Variants in SMG6 observed in about 807,000 individuals in gnomAD.
The protein encoded by SMG6 is SMG6 nonsense mediated mRNA decay factor.
In SMG6, 66 loss-of-function variants were observed where a neutral mutation model predicts 142.2. The observed-to-expected ratio is 0.46, with a 90% CI of 0.38 to 0.57. The LOEUF is 0.57. SMG6 is among the 20% of genes least tolerant of loss of function. The probability of loss-of-function intolerance (pLI) is 0.00; values close to 1 mark genes in which losing one functional copy is unlikely to be tolerated. For synonymous variants in SMG6, 779 were observed against 702.4 expected (o/e 1.11, Z -1.72); for missense variants, 1,793 against 1,832.0 (o/e 0.98, Z 0.39).
At position 2,282,863 on chromosome 17, in the gene SMG6, T is replaced by C. The variant is rs761851743; in HGVS notation, c.2449-4A>G. ...GCTTCTTTTCCATCTGTTCTGCCTA[T>C]ATAACATACAAACACATTAGCTCAT... On this transcript the variant is annotated splice_polypyrimidine_tract_variant and splice_region_variant and intron_variant, in intron 7 of 18. Transcript: ENST00000263073. 2 of 1,614,038 alleles carry C rather than the reference T, an allele frequency of 1.2e-6. No individual in the cohort carries two copies. The highest frequency in any genetic ancestry group is 8.5e-7 in the Non-Finnish European group (1 of 1,179,956).
intron 8 of SMG6, 131 bp downstream of exon 8, chr17:2,282,516 C>A: frequency 1.2e-6 from 1 of 801,838 alleles, no homozygotes; most frequent in South Asian, 1.6e-5. Flanking sequence ...GGGAAAAGAC[C>A]ATCAGGGAGC....
intron 13 of SMG6, among the ~76,000 whole-genome samples, chr17:2,148,123 G>A (rs1443457818): frequency 6.6e-6 from 1 of 152,106 alleles, no homozygotes; most frequent in Admixed American, 6.5e-5. Flanking sequence ...CCCAGGAGGT[G>A]CAGGTTGCAG....
chr17:2,111,191 C>T (rs553306310), intron 13 of SMG6, among the ~76,000 whole-genome samples: 1 of 138,676 alleles, frequency 7.2e-6, no homozygotes, highest in South Asian at 2.3e-4. Flanking sequence ...TGCTCCTGTT[C>T]CCATGGAACT....
rs2075061071 is a variant in SMG6, at chr17:2,292,533, T to C, written c.2337+19A>G. 6.2e-7 allele frequency: 1 copy of C among 1,612,674 alleles called. No individual in the cohort carries two copies. The highest frequency in any genetic ancestry group is 8.5e-7 in the Non-Finnish European group (1 of 1,179,078). On this transcript the variant is annotated intron_variant, in intron 6 of 18. Coordinates refer to ENST00000263073, the MANE Select transcript of SMG6 (RefSeq NM_017575.5). ...TACTTCCTGCAAAGCACTTTTCCCC[T>C]GTCCACAGGATTTCTTACCGTATAC... is the stretch of plus-strand genomic sequence containing the variant.
intron 1 of SMG6, chr17:2,303,151 G>A: frequency 9.1e-6 from 9 of 985,482 alleles, no homozygotes; most frequent in Non-Finnish European, 9.6e-6. Context: ...GCTTTCGGAA[G>A]CCTGTCTTGG....
chr17:2,061,388 G>T lies in SMG6; in HGVS notation c.*104C>A. 2 of 1,143,596 alleles carry T rather than the reference G, an allele frequency of 1.7e-6. No individual in the cohort carries two copies. The highest frequency in any genetic ancestry group is 2.5e-6 in the Non-Finnish European group (2 of 810,836). 70.8% of individuals were successfully genotyped at this position (1,143,596 alleles called of 1,614,324 possible). A position where few individuals can be genotyped will look rare whatever the true frequency, so the allele number is the denominator to read the frequency against. ...TTGGAAGAGGATGGTTTATTGTCTGGGTGGATTGGTGGCTCAGGCACGTGG... is the reference window on the plus strand; with the variant it reads ...TTGGAAGAGGATGGTTTATTGTCTGTGTGGATTGGTGGCTCAGGCACGTGG... On this transcript the variant is annotated 3_prime_UTR_variant, in exon 19 of 19. Transcript: ENST00000263073.
intron 6 of SMG6, among the ~76,000 whole-genome samples, chr17:2,286,006 A>T (rs2074897052): frequency 6.6e-6 from 1 of 152,148 alleles, no homozygotes. Flanking sequence ...AGAGAAAGAC[A>T]GAGAAAAAAA....
chr17:2,172,371 G>A (rs2071531335), intron 13 of SMG6, among the ~76,000 whole-genome samples: 1 of 152,054 alleles, frequency 6.6e-6, no homozygotes, highest in Non-Finnish European at 1.5e-5. Flanking sequence ...ATTTGGAGCT[G>A]AGTGAGAGCA....
At chr17:2,137,288 G>A (rs2070334461) in intron 13 of SMG6, among the ~76,000 whole-genome samples, 1 of 152,184 alleles carries the variant, frequency 6.6e-6, no homozygotes, top group Admixed American at 6.6e-5. Context: ...CTCTCCAGAA[G>A]GGAGTACCAA....
chr17:2,282,970 A>G, intron 7 of SMG6, 111 bp from the exon 8 acceptor site: 1 of 1,014,876 alleles, frequency 9.9e-7, no homozygotes, highest in Non-Finnish European at 1.5e-6. Flanking sequence ...CAGGAGTTTG[A>G]GACCAGCCTG....
chr17:2,070,202 G>A (rs956199473), intron 15 of SMG6, among the ~76,000 whole-genome samples: 1 of 152,186 alleles, frequency 6.6e-6, no homozygotes, highest in African/African-American at 2.4e-5. Flanking sequence ...AGCCTTACAC[G>A]TGTGGCAGCG....
intron 13 of SMG6, chr17:2,088,426 C>G: frequency 1.0e-6 from 1 of 985,378 alleles, no homozygotes; most frequent in South Asian, 4.7e-5. Context: ...GTAGCCCTCT[C>G]CCAGTTTTCA....
At chr17:2,267,555 C>CCA (rs1194845955) in intron 8 of SMG6, among the ~76,000 whole-genome samples, 2 of 151,956 alleles carry the variant, frequency 1.3e-5, no homozygotes, top group Non-Finnish European at 2.9e-5. Flanking sequence ...CTTTCTCTGT[C>CCA]ATGATGATAT....
rs1227624933 is a variant in SMG6 at position 2,068,356 on chromosome 17, A to T, written c.3835+422T>A. ...AACAGAGTGATCATGAAAAGCTACA[A>T]GACAATCAGACCAAAGGCATCTAAC... On this transcript the variant is annotated intron_variant, in intron 16 of 18. Transcript: ENST00000263073. The surrounding 1 kb of genome is among the most constrained non-coding windows in gnomAD (Gnocchi z 6.7). Among the ~76,000 whole-genome samples the T allele has an allele frequency of 6.6e-6, 1 of 152,224 alleles. No individual in the cohort carries two copies. Among genetic ancestry groups the T allele is most frequent in the African/African-American group, 2.4e-5 (1 of 41,454 alleles).
chr17:2,296,406 C>T (rs1294115283), intron 4 of SMG6, among the ~76,000 whole-genome samples: 3 of 152,168 alleles, frequency 2.0e-5, no homozygotes, highest in Admixed American at 6.5e-5. Context: ...CACCAGGCTA[C>T]GTTAGATTCA....
At chr17:2,131,355 G>A (rs998948601) in intron 13 of SMG6, among the ~76,000 whole-genome samples, 1 of 151,712 alleles carries the variant, frequency 6.6e-6, no homozygotes, top group Non-Finnish European at 1.5e-5. Context: ...GAGTGCAGTG[G>A]TGCAATCTAG....
chr17:2,088,015 G>C (rs1012700527), intron 13 of SMG6: 1 of 985,670 alleles, frequency 1.0e-6, no homozygotes, highest in African/African-American at 1.7e-5. Context: ...TGCTGCCACT[G>C]AATGGAGAGG....
rs765342173 is a variant in SMG6 at position 2,299,623 on chromosome 17, T to C, written c.1130A>G (p.Lys377Arg). 5 of 1,614,100 alleles carry C rather than the reference T, an allele frequency of 3.1e-6. No individual in the cohort carries two copies. Among genetic ancestry groups the C allele is most frequent in the Admixed American group, 1.7e-5 (1 of 60,004 alleles). The change falls in exon 2 of 19, where the codon AAG becomes AGG. Residue 377 changes from lysine (K) to arginine (R), a missense_variant. Lys to Arg is a conservative substitution (Grantham distance 26, BLOSUM62 2). Around this residue, in one of 3 missense-constraint regions of SMG6, gnomAD observed 1,597 missense variants for 1,584.6 expected, o/e 1.01. Transcript: ENST00000263073. This position sits in a 1 kb window ranked among gnomAD's most constrained non-coding sequence, Gnocchi z 4.3. ...RSARDDMDRG[K>R]PDKGLSSGGK... ...CCCACTGCTCAAGCCTTTGTCAGGCTTTCCTCTATCCATATCATCCCTGGC... is the reference window on the plus strand; with the variant it reads ...CCCACTGCTCAAGCCTTTGTCAGGCCTTCCTCTATCCATATCATCCCTGGC...
intron 1 of SMG6, among the ~76,000 whole-genome samples, chr17:2,302,449 G>C (rs2075302590): frequency 6.6e-6 from 1 of 152,172 alleles, no homozygotes; most frequent in African/African-American, 2.4e-5. Context: ...GCTGAGGTAG[G>C]AGAATGGCGT....
Sources: allele counts gnomAD v4.1 joint callset (sites outside exome capture counted in the v4.1 genomes callset), GRCh38; gene constraint gnomAD v4.1.1; regional missense constraint gnomAD v4.1.1; non-coding constraint Gnocchi (gnomAD v3.1); transcripts MANE v1.5; gene names NCBI Gene and HGNC (gene_info 2026-07-23, HGNC 2026-07-21).